The following TDRKH variants were observed in gnomAD, a reference collection of about 807,000 sequenced individuals.
TDRKH encodes tudor and KH domain containing.
Under a neutral mutation model 61.3 loss-of-function variants are expected in TDRKH, and 28 were observed. The ratio of observed to expected loss-of-function variants is 0.46; its 90% CI spans 0.34 to 0.63. The LOEUF (loss-of-function observed/expected upper bound fraction) is 0.63. TDRKH is among the 20% of genes least tolerant of loss of function. The pLI, the probability that TDRKH is intolerant of heterozygous loss-of-function variation, is 0.01. For synonymous variants in TDRKH, 219 were observed against 244.4 expected, an observed-to-expected ratio of 0.90 and a Z score of 0.97; for missense variants, 540 against 683.4, an observed-to-expected ratio of 0.79 and a Z score of 2.34.
In TDRKH at chr1:151,774,219, T is replaced by C. The variant is rs1215234375; in HGVS notation, c.*233A>G. The C allele has an allele frequency of 1.1e-5, 6 of 556,346 alleles. No individual in the cohort carries two copies. Among genetic ancestry groups the C allele is most frequent in the Middle Eastern group, 4.7e-4 (1 of 2,110 alleles). 34.5% of individuals were successfully genotyped at this position (556,346 alleles called of 1,614,324 possible). On this transcript the variant is annotated 3_prime_UTR_variant, in exon 13 of 13. Coordinates refer to ENST00000368824, the MANE Select transcript of TDRKH (RefSeq NM_001083965.2). ...CCTCTCCTCCATGCACCAATTCCTATGCCAAATCCTGCCAAAGACAGAAAT... is the reference window on the plus strand; with the variant it reads ...CCTCTCCTCCATGCACCAATTCCTACGCCAAATCCTGCCAAAGACAGAAAT...
rs1649112130 is a variant in TDRKH, at chr1:151,775,855, G to C, written c.1247C>G (p.Ala416Gly). The C allele has an allele frequency of 6.2e-7, 1 of 1,613,550 alleles. No individual in the cohort carries two copies. The highest frequency in any genetic ancestry group is 1.1e-5 in the South Asian group (1 of 91,078). ...AATCCGTGCCAGACTACATTCTATT[G>C]CTTGAAATGGAAGGCTTAGGAAGTC... ...RSDFLSLPFQ[A>G]IECSLARIAP... The change falls in exon 9 of 13, where the codon GCA (alanine) becomes GGA (glycine). Residue 416 changes from alanine to glycine, a missense_variant. Physicochemically the swap from Ala to Gly is moderately conservative, Grantham distance 60 (BLOSUM62 0). Transcript: ENST00000368824.
At position 151,778,984 on chromosome 1, in the gene TDRKH, G is replaced by A. The variant is rs1358657143; in HGVS notation, c.584C>T (p.Ser195Leu). 6.2e-7 allele frequency: 1 copy of A among 1,613,974 alleles called. No homozygotes were observed. Among genetic ancestry groups the A allele is most frequent in the Middle Eastern group, 1.6e-4 (1 of 6,062 alleles). ...AAKHLILEKVSEDEELRKRIA... is the reference protein window; with the variant it reads ...AAKHLILEKVLEDEELRKRIA... ...TCTCTTCCGAAGTTCTTCATCTTCT[G>A]AAACTTTCTCCAGTATCAAATGCTG... is the stretch of plus-strand genomic sequence containing the variant. The change falls in exon 6 of 13, where the codon TCA becomes TTA. Residue 195 changes from serine (S) to leucine (L), a missense_variant. Physicochemically the swap from Ser to Leu is moderately radical, Grantham distance 145 (BLOSUM62 -2). This residue lies in a region of TDRKH where 379 missense variants were observed against 443.8 expected (regional missense o/e 0.85). Transcript: ENST00000368824.
chr1:151,778,934 C>T lies in TDRKH; in HGVS notation c.634G>A (p.Val212Ile). 1 of 1,614,196 alleles carries T rather than the reference C, an allele frequency of 6.2e-7. No individual in the cohort carries two copies. The highest frequency in any genetic ancestry group is 8.5e-7 in the Non-Finnish European group (1 of 1,180,034). The change falls in exon 6 of 13, where the codon GTC becomes ATC. Residue 212 changes from valine (V) to isoleucine (I), a missense_variant. Physicochemically the swap from Val to Ile is conservative, Grantham distance 29 (BLOSUM62 3). This residue lies in a region of TDRKH where 379 missense variants were observed against 443.8 expected (regional missense o/e 0.85). Transcript: ENST00000368824. ...KRIAHSAETR[V>I]PRKQPISVRR... ...ACACTGATTGGCTGTTTGCGTGGGACCCTGGTTTCTGCAGAATGAGCAATT... is the reference window on the plus strand; with the variant it reads ...ACACTGATTGGCTGTTTGCGTGGGATCCTGGTTTCTGCAGAATGAGCAATT...
At chr1:151,789,075 A>G (rs1650633802) in intron 1 of TDRKH, among the ~76,000 whole-genome samples, 1 of 152,184 alleles carries the variant, frequency 6.6e-6, no homozygotes, top group Non-Finnish European at 1.5e-5. Flanking sequence ...TTAGAGACAG[A>G]GCCTTGGTCT....
chr1:151,779,851 T>C, intron 4 of TDRKH, 100 bp downstream of exon 4: 3 of 1,251,430 alleles, frequency 2.4e-6, no homozygotes, highest in Non-Finnish European at 3.3e-6. Flanking sequence ...TCCCCTCACA[T>C]GGTGAAGGGG....
At chr1:151,775,231 A>T (rs1649045089) in intron 10 of TDRKH, 65 bp from the exon 11 acceptor site, 2 of 1,583,936 alleles carry the variant, frequency 1.3e-6, no homozygotes, top group Non-Finnish European at 1.7e-6. Flanking sequence ...TGAGGAAACA[A>T]GGCAGAAGGA....
chr1:151,789,147 C>T (rs749915909), intron 1 of TDRKH, among the ~76,000 whole-genome samples: 1 of 152,170 alleles, frequency 6.6e-6, no homozygotes, highest in Non-Finnish European at 1.5e-5. Context: ...CTCCCGCAGT[C>T]GTCCGGCGTA....
At position 151,775,853 on chromosome 1, in the gene TDRKH, T is replaced by C. The variant is rs1649111577; in HGVS notation, c.1249A>G (p.Ile417Val). ...SDFLSLPFQA[I>V]ECSLARIAPS... is the part of the protein sequence containing the mutation. ...GCAATCCGTGCCAGACTACATTCTA[T>C]TGCTTGAAATGGAAGGCTTAGGAAG... The change falls in exon 9 of 13, where the codon ATA (isoleucine) becomes GTA (valine). Residue 417 changes from isoleucine to valine, a missense_variant. Transcript: ENST00000368824. 1 of 1,613,732 alleles carries C rather than the reference T, an allele frequency of 6.2e-7. No homozygotes were observed. Among genetic ancestry groups the C allele is most frequent in the South Asian group, 1.1e-5 (1 of 91,072 alleles).
At chr1:151,766,979 TAAC>T (rs1481011531), downstream of TDRKH, 14 of 1,405,700 alleles carry the variant, frequency 1.0e-5, no homozygotes, top group African/African-American at 1.4e-5. Flanking sequence ...TGGCAAGAAA[TAAC>T]AACAGAATAG....
At position 151,773,595 on chromosome 1, in the gene TDRKH, T is replaced by C. The variant is rs1011953390; in HGVS notation, c.*857A>G. On this transcript the variant is annotated 3_prime_UTR_variant, in exon 13 of 13. Coordinates refer to ENST00000368824, the MANE Select transcript of TDRKH (RefSeq NM_001083965.2). ...ACGGGTGTATATGTGTGTATACATA[T>C]AGATATTATACTAGCAATTTAGAAA... is the stretch of plus-strand genomic sequence containing the variant. 2 of 152,562 alleles carry C rather than the reference T, an allele frequency of 1.3e-5. No individual in the cohort carries two copies. The highest frequency in any genetic ancestry group is 4.8e-5 in the African/African-American group (2 of 41,456). 9.5% of individuals were successfully genotyped at this position (152,562 alleles called of 1,614,324 possible).
At chr1:151,771,304 T>A, downstream of TDRKH, 1 of 1,555,816 alleles carries the variant, frequency 6.4e-7, no homozygotes, top group African/African-American at 1.4e-5. Context: ...ACACTTTCCA[T>A]CCTAGGAATA....
chr1:151,769,752 G>A (rs951939510), downstream of TDRKH, among the ~76,000 whole-genome samples: 2 of 152,262 alleles, frequency 1.3e-5, no homozygotes, highest in African/African-American at 2.4e-5. Flanking sequence ...GTAGCGAGCC[G>A]AGATCACGCC....
chr1:151,771,037 T>C, downstream of TDRKH: 2 of 1,533,900 alleles, frequency 1.3e-6, no homozygotes, highest in Non-Finnish European at 1.8e-6. Context: ...TGTATTGAGT[T>C]TTAAAGCATG....
chr1:151,767,484 C>CA, downstream of TDRKH: 1 of 1,241,010 alleles, frequency 8.1e-7, no homozygotes, highest in Non-Finnish European at 1.1e-6. Context: ...CAAGGTCATA[C>CA]AGATGGTAGT....
rs1464136355 is a variant in TDRKH, at chr1:151,775,556, T to G, written c.1283-13A>C. ...TCCCACTGGTCACCTGGCAAAAGAT[T>G]GTAGGGGTTACTGCTGATAGGGGTG... On this transcript the variant is annotated splice_polypyrimidine_tract_variant and intron_variant, in intron 9 of 12. Transcript: ENST00000368824. 1 of 1,611,028 alleles carries G rather than the reference T, an allele frequency of 6.2e-7. No homozygotes were observed. The highest frequency in any genetic ancestry group is 1.3e-5 in the African/African-American group (1 of 74,912).
Position 151,782,978 on chromosome 1 carries a change from C to T in TDRKH, c.45G>A (p.Gln15=). The T allele has an allele frequency of 2.5e-6, 4 of 1,613,894 alleles. No homozygotes were observed. The highest frequency in any genetic ancestry group is 3.4e-6 in the Non-Finnish European group (4 of 1,179,932). The change falls in exon 2 of 13, where the codon CAG becomes CAA. Residue 15 remains glutamine (Q), a synonymous_variant. Coordinates refer to ENST00000368824, the MANE Select transcript of TDRKH (RefSeq NM_001083965.2). ...GGATCCCAAGGCCCAGGGCTATTTTCTGAATGGTGGACAGGCTTGTCCAAG... is the reference window on the plus strand; with the variant it reads ...GGATCCCAAGGCCCAGGGCTATTTTTTGAATGGTGGACAGGCTTGTCCAAG... ...RTSWTSLSTI[Q]KIALGLGIPA...
chr1:151,785,170 G>A (rs1650200830), intron 1 of TDRKH, among the ~76,000 whole-genome samples: 1 of 152,094 alleles, frequency 6.6e-6, no homozygotes, highest in African/African-American at 2.4e-5. Context: ...GGGCTCAAGT[G>A]ATCCACCAAC....
intron 6 of TDRKH, among the ~76,000 whole-genome samples, chr1:151,777,700 C>G (rs1005472309): frequency 4.1e-5 from 6 of 145,888 alleles, no homozygotes; most frequent in African/African-American, 1.3e-4. Flanking sequence ...GCCAGTATTT[C>G]TTTTTAAAAA....
At chr1:151,766,594 G>A (rs920578929), downstream of TDRKH, 21 of 1,015,384 alleles carry the variant, frequency 2.1e-5, no homozygotes, top group African/African-American at 3.2e-4. Context: ...GAGTCCTGAG[G>A]TGACATAAGG....
Sources: allele counts gnomAD v4.1 joint callset (sites outside exome capture counted in the v4.1 genomes callset), GRCh38; gene constraint gnomAD v4.1.1; regional missense constraint gnomAD v4.1.1; transcripts MANE v1.5; gene names NCBI Gene and HGNC (gene_info 2026-07-23, HGNC 2026-07-21).